Variants in PDE1A observed in about 807,000 individuals in gnomAD.
The protein encoded by PDE1A is phosphodiesterase 1A, also known as dual specificity calcium/calmodulin-dependent 3',5'-cyclic nucleotide phosphodiesterase 1A.
Under a neutral mutation model 61.7 loss-of-function variants are expected in PDE1A, and 35 were observed. The observed-to-expected ratio is 0.57, with a 90% confidence interval of 0.43 to 0.75. PDE1A has a LOEUF of 0.75. PDE1A is among the 30% of genes least tolerant of loss of function. PDE1A has a pLI of 0.00. For synonymous variants in PDE1A, 232 were observed against 213.2 expected (o/e 1.09, Z -0.77); for missense variants, 597 against 630.6 (o/e 0.95, Z 0.57).
At chr2:182,582,265 T>C in the PDE1A span, among the ~76,000 whole-genome samples, 1 of 152,138 alleles carries the variant, frequency 6.6e-6, no homozygotes, top group Non-Finnish European at 1.5e-5. Context: ...TCAGTTGGCA[T>C]GAAAATGTGG....
chr2:182,460,472 C>G (rs891011608), intron 2 of PDE1A, among the ~76,000 whole-genome samples: 9 of 152,138 alleles, frequency 5.9e-5, no homozygotes, highest in African/African-American at 2.2e-4. Context: ...CTCCTGGGCT[C>G]AAAGAATCCT....
At chr2:182,577,431 T>A in the PDE1A span, among the ~76,000 whole-genome samples, 1 of 152,226 alleles carries the variant, frequency 6.6e-6, no homozygotes, top group African/African-American at 2.4e-5. Flanking sequence ...TTCCCCCAGA[T>A]GGCAAAGCTC....
At chr2:182,548,955 G>T in the PDE1A span, among the ~76,000 whole-genome samples, 1 of 152,196 alleles carries the variant, frequency 6.6e-6, no homozygotes, top group Non-Finnish European at 1.5e-5. Flanking sequence ...GCAGAGATGT[G>T]TTTAAGACGT....
At chr2:182,201,647 T>TTAA in intron 9 of PDE1A, 41 bp downstream of exon 9, 5 of 569,364 alleles carry the variant, frequency 8.8e-6, no homozygotes, top group South Asian at 3.7e-5. Flanking sequence ...AACTTTAACA[T>TTAA]GACAAAAAAA....
intron 1 of PDE1A, among the ~76,000 whole-genome samples, chr2:182,270,558 A>C (rs1211022315): frequency 1.3e-5 from 2 of 151,578 alleles, no homozygotes; most frequent in African/African-American, 4.8e-5. Flanking sequence ...ATAAAACGTA[A>C]TAATTCAATA....
intron 1 of PDE1A, among the ~76,000 whole-genome samples, chr2:182,337,836 A>T (rs1216446776): frequency 1.3e-5 from 2 of 152,188 alleles, no homozygotes; most frequent in Admixed American, 6.5e-5. Context: ...AAAAAAAAGA[A>T]AGTGTGATAC....
the PDE1A span, among the ~76,000 whole-genome samples, chr2:182,641,022 A>AAAAAAAAAAAG: frequency 6.7e-6 from 1 of 150,260 alleles, no homozygotes; most frequent in Non-Finnish European, 1.5e-5. Flanking sequence ...TCCATCTCAA[A>AAAAAAAAAAAG]AAAAAAAAGA....
chr2:182,515,117 GA>G (rs749439460), intron 2 of PDE1A, among the ~76,000 whole-genome samples: 50 of 152,292 alleles, frequency 3.3e-4, no homozygotes, highest in Non-Finnish European at 6.5e-4. Context: ...AGCATCTTAT[GA>G]GGTAGGTATC....
chr2:182,689,385 C>T, the PDE1A span, among the ~76,000 whole-genome samples: 20 of 152,158 alleles, frequency 1.3e-4, no homozygotes, highest in African/African-American at 4.3e-4. Flanking sequence ...CACTCAAAAC[C>T]GCTCAACTAC....
chr2:182,586,980 G>C, the PDE1A span, among the ~76,000 whole-genome samples: 1 of 152,152 alleles, frequency 6.6e-6, no homozygotes, highest in East Asian at 1.9e-4. Flanking sequence ...GAAAGGGCAC[G>C]TAACCCAGTT....
chr2:182,527,320 AAAAAAAAATATATATATATAT>A (rs1309738675), upstream of PDE1A, among the ~76,000 whole-genome samples: 3 of 44,766 alleles, frequency 6.7e-5, no homozygotes, highest in African/African-American at 9.3e-5. Context: ...AAAAAAAAAA[AAAAAAAAATATATATATATAT>A]ATATATATAT....
At chr2:182,563,249 T>G in the PDE1A span, among the ~76,000 whole-genome samples, 1 of 152,226 alleles carries the variant, frequency 6.6e-6, no homozygotes, top group Non-Finnish European at 1.5e-5. Context: ...GAGTCTGGTA[T>G]GTTGTACCTT....
intron 1 of PDE1A, among the ~76,000 whole-genome samples, chr2:182,401,963 A>T (rs1320552360): frequency 6.6e-6 from 1 of 152,218 alleles, no homozygotes; most frequent in African/African-American, 2.4e-5. Context: ...AATACAACTT[A>T]CAAGGGATGA....
chr2:182,418,107 T>C (rs1315342338), intron 1 of PDE1A, among the ~76,000 whole-genome samples: 1 of 152,214 alleles, frequency 6.6e-6, no homozygotes, highest in Non-Finnish European at 1.5e-5. Flanking sequence ...TTCAAATGCA[T>C]AAGGAAGCTC....
chr2:182,621,816 C>T, the PDE1A span, among the ~76,000 whole-genome samples: 1 of 152,022 alleles, frequency 6.6e-6, no homozygotes. Flanking sequence ...AGCATTACAT[C>T]CTGAAGAAAA....
At chr2:182,482,213 T>C (rs1559501986) in intron 2 of PDE1A, among the ~76,000 whole-genome samples, 1 of 151,942 alleles carries the variant, frequency 6.6e-6, no homozygotes, top group Admixed American at 6.6e-5. Flanking sequence ...AGTAGAGATT[T>C]AAAAAACCTG....
intron 13 of PDE1A, among the ~76,000 whole-genome samples, chr2:182,174,270 G>A (rs1692518943): frequency 6.6e-6 from 1 of 152,110 alleles, no homozygotes; most frequent in African/African-American, 2.4e-5. Flanking sequence ...CTTGGGAATG[G>A]AGCCTGAAGC....
chr2:182,625,991 G>A, the PDE1A span, among the ~76,000 whole-genome samples: 1 of 152,186 alleles, frequency 6.6e-6, no homozygotes, highest in Non-Finnish European at 1.5e-5. Context: ...GACAAAGGCA[G>A]AGACAGAGGA....
At chr2:182,432,448 A>T (rs926914745) in intron 2 of PDE1A, among the ~76,000 whole-genome samples, 50 of 126,470 alleles carry the variant, frequency 4.0e-4, no homozygotes, top group South Asian at 1.5e-3. Context: ...TTGTTGTTGT[A>T]GTTGTTGTTG....
Sources: allele counts gnomAD v4.1 joint callset (sites outside exome capture counted in the v4.1 genomes callset), GRCh38; gene constraint gnomAD v4.1.1; transcripts MANE v1.5; gene names NCBI Gene and HGNC (gene_info 2026-07-23, HGNC 2026-07-21).